Variants in IL1RAPL1 observed in about 807,000 individuals in gnomAD.
IL1RAPL1 encodes the protein interleukin 1 receptor accessory protein like 1.
Under a neutral mutation model 48.4 loss-of-function variants are expected in IL1RAPL1, and 3 were observed. The observed-to-expected ratio is 0.06, with a 90% confidence interval of 0.03 to 0.16. The LOEUF (loss-of-function observed/expected upper bound fraction) is 0.16, where lower values mean the gene tolerates loss of function less well. Ranked by LOEUF, IL1RAPL1 falls within the 10% of genes least tolerant of loss-of-function variation. The pLI, the probability that IL1RAPL1 is intolerant of heterozygous loss-of-function variation, is 1.00. For missense variants in IL1RAPL1, 349 were observed against 530.6 expected, an observed-to-expected ratio of 0.66 and a Z score of 3.36; for synonymous variants, 185 against 187.7, an observed-to-expected ratio of 0.99 and a Z score of 0.12.
At chrX:29,752,359 T>A (rs1188196298) in intron 6 of IL1RAPL1, among the ~76,000 whole-genome samples, 1 of 106,375 alleles carries the variant, frequency 9.4e-6, no homozygotes, top group African/African-American at 3.4e-5. Context: ...AGTCAGGCGT[T>A]GCGGCATGCG....
intron 2 of IL1RAPL1, among the ~76,000 whole-genome samples, chrX:28,804,738 C>T (rs1202914678): frequency 4.5e-5 from 5 of 111,581 alleles, no homozygotes; most frequent in Admixed American, 2.9e-4. Context: ...ATCTCATGAT[C>T]CTTAACTTAA....
chrX:29,933,328 TA>T (rs964738784), intron 8 of IL1RAPL1, among the ~76,000 whole-genome samples: 2 of 111,054 alleles, frequency 1.8e-5, no homozygotes, highest in Admixed American at 9.6e-5. Flanking sequence ...GAACTTATAA[TA>T]AAAGAAAATG....
At chrX:29,587,707 C>A (rs1484116294) in intron 5 of IL1RAPL1, among the ~76,000 whole-genome samples, 1 of 111,648 alleles carries the variant, frequency 9.0e-6, no homozygotes, top group Non-Finnish European at 1.9e-5. Context: ...CTGGGCTCCC[C>A]CTTGCACTAT....
In IL1RAPL1 at chrX:29,803,347, A is replaced by ATACATGTATACACATATGTATATG. The variant is rs1930129118; in HGVS notation, c.779-114116_779-114115insACATGTATACACATATGTATATGT. Among the ~76,000 whole-genome samples the ATACATGTATACACATATGTATATG allele has an allele frequency of 7.1e-4, 52 of 72,952 alleles. 1 individual carries two copies. Among genetic ancestry groups the ATACATGTATACACATATGTATATG allele is most frequent in the Non-Finnish European group, 1.1e-3 (40 of 36,198 alleles). The allele number at this position is 72,952 out of a possible 115,157, so 63.4% of individuals were successfully genotyped here. On this transcript the variant is annotated intron_variant, in intron 6 of 10. Transcript: ENST00000378993. ...TATACATGTATACACATATGTATAT[A>ATACATGTATACACATATGTATATG]TGTATACATGTATACACATATGTAT...
chrX:29,728,344 G>A, intron 6 of IL1RAPL1, among the ~76,000 whole-genome samples: 1 of 111,605 alleles, frequency 9.0e-6, no homozygotes, highest in Middle Eastern at 4.6e-3. Context: ...AATGTATTTG[G>A]TGCCTGAAAC....
chrX:29,479,246 C>T (rs1041624400), intron 5 of IL1RAPL1, among the ~76,000 whole-genome samples: 1 of 106,893 alleles, frequency 9.4e-6, no homozygotes, highest in Non-Finnish European at 1.9e-5. Context: ...CATGTCTCTA[C>T]GAAATACAAA....
chrX:28,988,730 G>A (rs1028405397), intron 2 of IL1RAPL1, among the ~76,000 whole-genome samples: 1 of 111,842 alleles, frequency 8.9e-6, no homozygotes, highest in South Asian at 3.7e-4. Context: ...CATAATCATC[G>A]TGGAACATCA....
At chrX:29,618,456 C>T (rs1043472053) in intron 5 of IL1RAPL1, among the ~76,000 whole-genome samples, 4 of 112,005 alleles carry the variant, frequency 3.6e-5, no homozygotes, top group African/African-American at 9.7e-5. Flanking sequence ...GTCAGCAGTC[C>T]GAAATCACTT....
intron 5 of IL1RAPL1, among the ~76,000 whole-genome samples, chrX:29,522,467 A>G (rs1935512783): frequency 1.8e-5 from 2 of 111,942 alleles, no homozygotes; most frequent in African/African-American, 3.2e-5. Context: ...GGCCTTGATC[A>G]TTCATTTAGA....
At chrX:29,528,340 TTGA>T (rs1386094117) in intron 5 of IL1RAPL1, among the ~76,000 whole-genome samples, 1 of 112,516 alleles carries the variant, frequency 8.9e-6, no homozygotes, top group Non-Finnish European at 1.9e-5. Context: ...TGAGGATCTC[TTGA>T]TGAACTAATA....
At chrX:28,754,046 T>C (rs1363221008) in intron 1 of IL1RAPL1, among the ~76,000 whole-genome samples, 1 of 61,892 alleles carries the variant, frequency 1.6e-5, no homozygotes, top group Non-Finnish European at 2.8e-5. Flanking sequence ...TTCAGCATCA[T>C]CTTCAGGTAT....
At chrX:29,138,503 C>T (rs748647365) in intron 2 of IL1RAPL1, among the ~76,000 whole-genome samples, 2 of 110,970 alleles carry the variant, frequency 1.8e-5, no homozygotes, top group Non-Finnish European at 3.8e-5. Context: ...CATGGTGGCT[C>T]ATGCCGGTAA....
chrX:29,114,081 C>T (rs768961273), intron 2 of IL1RAPL1, among the ~76,000 whole-genome samples: 6 of 111,461 alleles, frequency 5.4e-5, no homozygotes, highest in Non-Finnish European at 1.1e-4. Context: ...TTATGATTTT[C>T]TGTTCTTATA....
chrX:28,826,462 G>T (rs1194597833), intron 2 of IL1RAPL1, among the ~76,000 whole-genome samples: 1 of 111,268 alleles, frequency 9.0e-6, no homozygotes. Flanking sequence ...AATGTACAAT[G>T]TTTATATACA....
chrX:29,087,222 AC>A (rs1168495374), intron 2 of IL1RAPL1, among the ~76,000 whole-genome samples: 48 of 101,410 alleles, frequency 4.7e-4, no homozygotes, highest in Admixed American at 1.1e-3. Flanking sequence ...ACTGCAACCT[AC>A]GCCTCCTGGG....
At chrX:29,740,286 G>A (rs906739545) in intron 6 of IL1RAPL1, among the ~76,000 whole-genome samples, 2 of 110,996 alleles carry the variant, frequency 1.8e-5, no homozygotes, top group Admixed American at 9.6e-5. Context: ...TATTTCACTT[G>A]TATAGAAGTT....
At chrX:29,547,990 T>G (rs1283854234) in intron 5 of IL1RAPL1, among the ~76,000 whole-genome samples, 1 of 112,384 alleles carries the variant, frequency 8.9e-6, no homozygotes, top group Non-Finnish European at 1.9e-5. Context: ...AAATAGAACA[T>G]TAGCATTAAT....
intron 2 of IL1RAPL1, among the ~76,000 whole-genome samples, chrX:28,891,912 A>G (rs898883789): frequency 1.5e-4 from 17 of 111,542 alleles, no homozygotes; most frequent in African/African-American, 5.5e-4. Context: ...TGGCCATCCT[A>G]GTAAGTATGA....
At chrX:29,439,990 C>CGTGTGT (rs60967823) in intron 5 of IL1RAPL1, among the ~76,000 whole-genome samples, 4 of 96,772 alleles carry the variant, frequency 4.1e-5, no homozygotes, top group African/African-American at 1.5e-4. Context: ...CAATTTGACA[C>CGTGTGT]GTGTGTGTGT....
Sources: gnomAD v4.1 joint callset for allele counts (sites outside exome capture counted in the v4.1 genomes callset) on GRCh38, gnomAD v4.1.1 for gene constraint, MANE v1.5 for transcripts, NCBI Gene and HGNC (gene_info 2026-07-23, HGNC 2026-07-21) for gene names.